The following SCMH1 variants were observed in gnomAD, a reference collection of about 807,000 sequenced individuals.
SCMH1 encodes Scm polycomb group protein homolog 1.
SCMH1 carries 37 observed loss-of-function variants against 70.8 expected under a neutral mutation model. The observed-to-expected ratio is 0.52, with a 90% confidence interval of 0.40 to 0.69. The LOEUF is 0.69. SCMH1 is among the 30% of genes least tolerant of loss of function. The pLI, the probability that SCMH1 is intolerant of heterozygous loss-of-function variation, is 0.00. For synonymous variants in SCMH1, 292 were observed against 307.4 expected, an observed-to-expected ratio of 0.95 and a Z score of 0.52; for missense variants, 607 against 827.3, an observed-to-expected ratio of 0.73 and a Z score of 3.27.
chr1:41,031,469 C>T (rs575769642), intron 13 of SCMH1, among the ~76,000 whole-genome samples: 2 of 152,316 alleles, frequency 1.3e-5, no homozygotes, highest in South Asian at 4.1e-4. Context: ...TCTGGCCTGG[C>T]CTAGTCCAGC....
intron 2 of SCMH1, among the ~76,000 whole-genome samples, chr1:41,162,318 AG>A (rs1557703842): frequency 6.6e-6 from 1 of 152,180 alleles, no homozygotes; most frequent in Non-Finnish European, 1.5e-5. Flanking sequence ...GAATGGCAGC[AG>A]GAGGCAGATA....
At chr1:41,132,504 A>G (rs1257955608) in intron 6 of SCMH1, among the ~76,000 whole-genome samples, 1 of 151,974 alleles carries the variant, frequency 6.6e-6, no homozygotes, top group Admixed American at 6.6e-5. Flanking sequence ...TTGCCTGTTC[A>G]CTCTGCTGAT....
chr1:41,051,935 ACCACTCACTCAGAG>A (rs1648327449), intron 10 of SCMH1, among the ~76,000 whole-genome samples: 2 of 152,170 alleles, frequency 1.3e-5, no homozygotes, highest in African/African-American at 4.8e-5. Context: ...CCACTCATTC[ACCACTCACTCAGAG>A]CAACTTCCAG....
At chr1:41,240,639 C>T (rs1380672102) in intron 1 of SCMH1, among the ~76,000 whole-genome samples, 2 of 151,126 alleles carry the variant, frequency 1.3e-5, no homozygotes, top group African/African-American at 4.9e-5. Context: ...TAGTTAGCAA[C>T]ATTTGATAAA....
intron 12 of SCMH1, among the ~76,000 whole-genome samples, chr1:41,038,977 C>A (rs1288953820): frequency 1.3e-5 from 2 of 152,176 alleles, no homozygotes; most frequent in Non-Finnish European, 2.9e-5. Context: ...ATGCTGAGAA[C>A]ATCAAATGAG....
At chr1:41,204,611 CAT>C (rs1417494162) in intron 1 of SCMH1, among the ~76,000 whole-genome samples, 2 of 152,220 alleles carry the variant, frequency 1.3e-5, no homozygotes, top group African/African-American at 4.8e-5. Context: ...TCAATATTCA[CAT>C]GTCTGGCTTT....
chr1:41,078,512 A>G (rs932424793), intron 8 of SCMH1, among the ~76,000 whole-genome samples: 6 of 152,198 alleles, frequency 3.9e-5, no homozygotes, highest in Non-Finnish European at 7.3e-5. Context: ...AAAGACAGGG[A>G]GGAAATACAA....
chr1:41,202,881 A>G (rs2148734639), intron 1 of SCMH1, among the ~76,000 whole-genome samples: 1 of 152,240 alleles, frequency 6.6e-6, no homozygotes, highest in African/African-American at 2.4e-5. Flanking sequence ...ATATAAGCAT[A>G]ATGTTCAGTA....
chr1:41,195,141 A>T (rs938743368), intron 1 of SCMH1, among the ~76,000 whole-genome samples: 27 of 145,200 alleles, frequency 1.9e-4, no homozygotes, highest in Non-Finnish European at 3.6e-4. Context: ...CAAAAAAAAA[A>T]AAAAAAAAAA....
chr1:41,099,805 G>C (rs750304294), intron 8 of SCMH1, among the ~76,000 whole-genome samples: 40 of 152,280 alleles, frequency 2.6e-4, no homozygotes, highest in Admixed American at 5.2e-4. Context: ...CTGGAGGTTT[G>C]TGAAGTTTAC....
chr1:41,161,282 C>G (rs1003928067), intron 3 of SCMH1, 82 bp downstream of exon 3: 9 of 1,541,806 alleles, frequency 5.8e-6, no homozygotes, highest in Non-Finnish European at 7.0e-6. Context: ...TTTGTAAACT[C>G]AGACCTCTAA....
chr1:41,161,809 A>G (rs1193407920), intron 2 of SCMH1, among the ~76,000 whole-genome samples: 1 of 152,248 alleles, frequency 6.6e-6, no homozygotes, highest in Non-Finnish European at 1.5e-5. Flanking sequence ...ACAATTATTT[A>G]AAACACTAAA....
chr1:41,090,596 C>T (rs1199821021), intron 8 of SCMH1, among the ~76,000 whole-genome samples: 13 of 151,776 alleles, frequency 8.6e-5, no homozygotes. Context: ...TTAATCCTTA[C>T]ACACTGTATG....
chr1:41,028,041 G>T, exon 15 of SCMH1: 1 of 847,532 alleles, frequency 1.2e-6, no homozygotes. Flanking sequence ...TATCATGGCA[G>T]CTGTGGCTAG....
intron 5 of SCMH1, among the ~76,000 whole-genome samples, chr1:41,146,724 A>G (rs1174974433): frequency 2.0e-5 from 3 of 152,156 alleles, no homozygotes; most frequent in Non-Finnish European, 2.9e-5. Context: ...GTGCAAGTAT[A>G]TTCTATGTTC....
At chr1:41,105,426 T>A (rs1194056640) in intron 8 of SCMH1, among the ~76,000 whole-genome samples, 2 of 152,214 alleles carry the variant, frequency 1.3e-5, no homozygotes, top group Non-Finnish European at 2.9e-5. Flanking sequence ...TATTACTGAA[T>A]AAATGGCATG....
At chr1:41,140,007 T>C (rs2148190692) in intron 6 of SCMH1, among the ~76,000 whole-genome samples, 1 of 152,322 alleles carries the variant, frequency 6.6e-6, no homozygotes, top group African/African-American at 2.4e-5. Flanking sequence ...CTAATCTAAA[T>C]GACCTTATAA....
intron 10 of SCMH1, among the ~76,000 whole-genome samples, chr1:41,049,840 G>T (rs1352510179): frequency 6.6e-6 from 1 of 151,690 alleles, no homozygotes; most frequent in African/African-American, 2.4e-5. Flanking sequence ...GAGGCGGAAG[G>T]ATCACTTAAA....
intron 13 of SCMH1, among the ~76,000 whole-genome samples, chr1:41,032,957 C>G (rs1382449414): frequency 2.2e-5 from 3 of 139,476 alleles, no homozygotes; most frequent in Admixed American, 1.5e-4. Context: ...CCAGCCTGGG[C>G]GACAGAGTGA....
Sources: allele counts gnomAD v4.1 joint callset (sites outside exome capture counted in the v4.1 genomes callset), GRCh38; gene constraint gnomAD v4.1.1; transcripts MANE v1.5; gene names NCBI Gene and HGNC (gene_info 2026-07-23, HGNC 2026-07-21).